The following HERC4 variants were observed in gnomAD, a reference collection of about 807,000 sequenced individuals.
HERC4 encodes probable E3 ubiquitin-protein ligase HERC4.
In HERC4, 28 loss-of-function variants were observed where a neutral mutation model predicts 124.3. That is an observed-to-expected ratio of 0.23 (90% CI 0.17 to 0.31). HERC4 has a LOEUF of 0.31. Among genes scored for constraint, HERC4 ranks in the 10% least tolerant of loss-of-function variants. The pLI, the probability that HERC4 is intolerant of heterozygous loss-of-function variation, is 1.00. For synonymous variants in HERC4, 407 were observed against 421.5 expected (o/e 0.97, Z 0.42); for missense variants, 713 against 1,229.3 (o/e 0.58, Z 6.28).
At chr10:68,051,785 C>T (rs7069710) in intron 3 of HERC4, among the ~76,000 whole-genome samples, 14,763 of 150,822 alleles carry the variant, frequency 0.098, 802 homozygotes, top group South Asian at 0.15. Flanking sequence ...GCCTCCGAGG[C>T]TCAAGTGATC....
Position 67,990,905 on chromosome 10 carries a change from T to A in HERC4, c.1442A>T (p.Gln481Leu). 1 of 1,577,400 alleles carries A rather than the reference T, an allele frequency of 6.3e-7. No individual in the cohort carries two copies. The highest frequency in any genetic ancestry group is 8.7e-7 in the Non-Finnish European group (1 of 1,154,440). The change falls in exon 13 of 25, where the codon CAG (glutamine) becomes CTG (leucine). Residue 481 changes from glutamine (Q) to leucine (L), a missense_variant and splice_region_variant. Physicochemically the swap from Gln to Leu is moderately radical, Grantham distance 113. Coordinates refer to ENST00000373700, the MANE Select transcript of HERC4 (RefSeq NM_015601.4). ...IQPDHPQISQ[Q>L]VAASLEKNLI... The stretch of plus-strand genomic sequence containing the variant: ...AAACATAATACTTTAAAAACAGACC[T>A]GCTGAGATATCTGCGGATGATCAGG...
intron 23 of HERC4, among the ~76,000 whole-genome samples, chr10:67,928,767 A>T (rs1041615473): frequency 4.6e-5 from 7 of 152,062 alleles, no homozygotes; most frequent in African/African-American, 1.2e-4. Flanking sequence ...CTAAAAAAAT[A>T]AAAAAATCAG....
intron 15 of HERC4, among the ~76,000 whole-genome samples, chr10:67,985,088 G>C (rs2036186109): frequency 6.6e-6 from 1 of 152,162 alleles, no homozygotes; most frequent in Non-Finnish European, 1.5e-5. Context: ...AGTAGATAAG[G>C]TTCAATCAGC....
At chr10:67,965,752 G>T (rs1169362523) in intron 16 of HERC4, 1 of 152,218 alleles carries the variant, frequency 6.6e-6, no homozygotes. Context: ...GCAATGAAAA[G>T]TTACTCACCC....
At chr10:68,001,363 C>A (rs966684695) in intron 9 of HERC4, among the ~76,000 whole-genome samples, 1 of 122,022 alleles carries the variant, frequency 8.2e-6, no homozygotes, top group Non-Finnish European at 1.9e-5. Context: ...CAGAGTGAGA[C>A]CTTGTATTTA....
At chr10:67,959,595 A>G (rs1564961670) in intron 16 of HERC4, among the ~76,000 whole-genome samples, 1 of 152,162 alleles carries the variant, frequency 6.6e-6, no homozygotes, top group Non-Finnish European at 1.5e-5. Context: ...TATGGACACA[A>G]AGTAAGAAAA....
chr10:68,015,213 G>GT lies in HERC4; in HGVS notation c.909-1028dup, dbSNP rs1394366861. Among the ~76,000 whole-genome samples, 8 of 152,190 alleles carry GT rather than the reference G, an allele frequency of 5.3e-5. No homozygotes were observed. The East Asian group carries it at 1.4e-3, about 26-fold the overall frequency. On this transcript the variant is annotated intron_variant, in intron 8 of 24. Coordinates refer to ENST00000373700, the MANE Select transcript of HERC4 (RefSeq NM_015601.4). ...TCTTTAGGAATTCTGCTCTACCATC[G>GT]TAAGAATAAACCAAGGTTAGCAGCT...
At chr10:67,941,669 CTTTTTTTTTTT>C (rs755666986) in intron 19 of HERC4, among the ~76,000 whole-genome samples, 1,615 of 91,792 alleles carry the variant, frequency 0.018, 19 homozygotes, top group Middle Eastern at 0.05. Context: ...TAAAACACAA[CTTTTTTTTTTT>C]TTTTTTTTTT....
At chr10:67,932,552 A>G (rs1488008136) in intron 23 of HERC4, 45 bp downstream of exon 23, 1 of 1,508,550 alleles carries the variant, frequency 6.6e-7, no homozygotes, top group African/African-American at 1.4e-5. Context: ...ATTTCCATAT[A>G]TAAATCTTTC....
chr10:67,929,444 A>C (rs768162094), intron 23 of HERC4, among the ~76,000 whole-genome samples: 9 of 152,228 alleles, frequency 5.9e-5, no homozygotes, highest in Non-Finnish European at 1.0e-4. Context: ...GGAGCCATAC[A>C]GTATGCAACC....
intron 15 of HERC4, among the ~76,000 whole-genome samples, chr10:67,971,688 C>G (rs559986711): frequency 7.7e-6 from 1 of 130,718 alleles, no homozygotes; most frequent in Non-Finnish European, 1.6e-5. Flanking sequence ...TAACATTATA[C>G]TTACTATTAA....
intron 8 of HERC4, among the ~76,000 whole-genome samples, chr10:68,023,306 G>T (rs1261794076): frequency 1.3e-5 from 2 of 152,138 alleles, no homozygotes; most frequent in Admixed American, 1.3e-4. Flanking sequence ...TCCATCAAAA[G>T]ATGAATGCAC....
intron 9 of HERC4, among the ~76,000 whole-genome samples, chr10:68,006,375 G>GC (rs1554818272): frequency 7.5e-6 from 1 of 134,034 alleles, no homozygotes; most frequent in East Asian, 2.0e-4. Context: ...TTTTGTTTTT[G>GC]TTTTTTTTTT....
At chr10:67,980,459 A>G (rs1240460540) in intron 15 of HERC4, among the ~76,000 whole-genome samples, 1 of 152,186 alleles carries the variant, frequency 6.6e-6, no homozygotes, top group Non-Finnish European at 1.5e-5. Context: ...TTCCTAGACA[A>G]ACAAAAGCTG....
intron 3 of HERC4, among the ~76,000 whole-genome samples, chr10:68,059,657 C>CATATTATATATTATATTATATATCATA (rs1564608420): frequency 5.4e-5 from 2 of 36,872 alleles, no homozygotes; most frequent in Non-Finnish European, 7.4e-5. Context: ...TATTATATAT[C>CATATTATATATTATATTATATATCATA]ATATTATATA....
chr10:67,991,364 T>C (rs1340729167), intron 11 of HERC4, among the ~76,000 whole-genome samples, 165 bp from the exon 12 acceptor site: 1 of 152,146 alleles, frequency 6.6e-6, no homozygotes, highest in Non-Finnish European at 1.5e-5. Flanking sequence ...TGCTAAAGAC[T>C]GATAAAATAA....
At chr10:67,959,046 T>C (rs1476378781) in intron 16 of HERC4, 1 of 1,350,398 alleles carries the variant, frequency 7.4e-7, no homozygotes, top group Non-Finnish European at 1.0e-6. Flanking sequence ...TCTTTGGCTC[T>C]TCTATTACTC....
chr10:68,064,276 G>A (rs558359323), intron 3 of HERC4, among the ~76,000 whole-genome samples: 181 of 151,862 alleles, frequency 1.2e-3, no homozygotes, highest in African/African-American at 4.0e-3. Context: ...GAAATAGGCC[G>A]GGTGCCGTGG....
Position 67,939,572 on chromosome 10 carries a change from T to C in HERC4, c.2571+16A>G, listed in dbSNP as rs1162810998. The C allele has an allele frequency of 5.8e-6, 9 of 1,551,406 alleles. No homozygotes were observed. Among genetic ancestry groups the C allele is most frequent in the South Asian group, 2.3e-5 (2 of 86,706 alleles). ...GATGATAAATAATCAGGCTAACCTATGTCCTTCCATCTTACCGTAAAATTA... is the reference window on the plus strand; with the variant it reads ...GATGATAAATAATCAGGCTAACCTACGTCCTTCCATCTTACCGTAAAATTA... On this transcript the variant is annotated intron_variant, in intron 21 of 24. Coordinates refer to ENST00000373700, the MANE Select transcript of HERC4 (RefSeq NM_015601.4).
Sources: gnomAD v4.1 joint callset for allele counts (sites outside exome capture counted in the v4.1 genomes callset) on GRCh38, gnomAD v4.1.1 for gene constraint, MANE v1.5 for transcripts, NCBI Gene and HGNC (gene_info 2026-07-23, HGNC 2026-07-21) for gene names.